PRRG4: variants seen among roughly 807,000 people sequenced by gnomAD.
PRRG4 encodes the protein proline rich and Gla domain 4.
A neutral mutation model predicts 20.0 loss-of-function variants in PRRG4; 12 were observed. The ratio of observed to expected loss-of-function variants is 0.60; its 90% confidence interval spans 0.38 to 0.97. The LOEUF is 0.97. Ranked by LOEUF, PRRG4 falls within the 50% of genes least tolerant of loss-of-function variation. PRRG4 has a pLI of 0.00. For missense variants in PRRG4, 199 were observed against 265.1 expected (o/e 0.75, Z 1.73); for synonymous variants, 94 against 96.4 (o/e 0.98, Z 0.15).
intron 2 of PRRG4, among the ~76,000 whole-genome samples, chr11:32,835,284 CA>C (rs767607849): frequency 6.6e-6 from 1 of 152,236 alleles, no homozygotes; most frequent in Non-Finnish European, 1.5e-5. Flanking sequence ...TGAGGTCACT[CA>C]AAAATCAGTA....
chr11:32,843,129 C>T (rs1851095022), intron 5 of PRRG4, among the ~76,000 whole-genome samples: 1 of 152,112 alleles, frequency 6.6e-6, no homozygotes, highest in Non-Finnish European at 1.5e-5. Context: ...AGGCATGAGC[C>T]ACCGTGCCCA....
chr11:32,832,479 C>CTTTT (rs555430349), intron 2 of PRRG4, among the ~76,000 whole-genome samples: 2 of 121,264 alleles, frequency 1.6e-5, no homozygotes, highest in Non-Finnish European at 1.6e-5. Flanking sequence ...TGGTGAAATT[C>CTTTT]TTTTTTTTTT....
rs1301640986 is a variant in PRRG4 at position 32,854,232 on chromosome 11, A to T, written c.*705A>T. ...TTATAGATTTCTTGTGTTGAATATTAAAAAAGCAAGGATGTCTAACCATTA... is the reference window on the plus strand; with the variant it reads ...TTATAGATTTCTTGTGTTGAATATTTAAAAAGCAAGGATGTCTAACCATTA... On this transcript the variant is annotated 3_prime_UTR_variant, in exon 6 of 6. Coordinates refer to ENST00000257836, the MANE Select transcript of PRRG4 (RefSeq NM_024081.6). 2.0e-5 allele frequency: 3 copies of T among 152,186 alleles called. No homozygotes were observed. The highest frequency in any genetic ancestry group is 4.8e-5 in the African/African-American group (2 of 41,446). 9.4% of individuals were successfully genotyped at this position (152,186 alleles called of 1,614,324 possible).
chr11:32,829,945 C>G lies in PRRG4; in HGVS notation c.-251C>G, dbSNP rs924685918. 3 of 985,654 alleles carry G rather than the reference C, an allele frequency of 3.0e-6. No homozygotes were observed. The highest frequency in any genetic ancestry group is 3.6e-6 in the Non-Finnish European group (3 of 830,102). The allele number at this position is 985,654 out of a possible 1,614,324, so 61.1% of individuals were successfully genotyped here. On this transcript the variant is annotated 5_prime_UTR_variant, in exon 1 of 6. Coordinates refer to ENST00000257836, the MANE Select transcript of PRRG4 (RefSeq NM_024081.6). ...TCCCGTCCTCCGTCGGCCGCCTCCC[C>G]GGACCGAGGCAGGACCTCACCCCGC...
chr11:32,842,875 G>A (rs1173636491), intron 5 of PRRG4, among the ~76,000 whole-genome samples: 1 of 151,952 alleles, frequency 6.6e-6, no homozygotes, highest in Non-Finnish European at 1.5e-5. Context: ...ATTTAGAGAT[G>A]GAGTCTTGCT....
intron 5 of PRRG4, among the ~76,000 whole-genome samples, chr11:32,847,354 C>A (rs958084582): frequency 1.3e-5 from 2 of 152,004 alleles, no homozygotes; most frequent in African/African-American, 4.8e-5. Context: ...GAATGGCCAA[C>A]AAGCACTTGA....
chr11:32,835,162 A>T (rs1363285627), intron 2 of PRRG4, among the ~76,000 whole-genome samples: 1 of 152,198 alleles, frequency 6.6e-6, no homozygotes, highest in African/African-American at 2.4e-5. Flanking sequence ...ACCATATTAG[A>T]CAAAATAGTT....
At chr11:32,845,115 TA>T (rs939573052) in intron 5 of PRRG4, among the ~76,000 whole-genome samples, 9 of 151,806 alleles carry the variant, frequency 5.9e-5, no homozygotes, top group Non-Finnish European at 7.4e-5. Context: ...AAAATAAAAA[TA>T]AAAAAAATCT....
chr11:32,830,697 T>C, intron 2 of PRRG4, 65 bp downstream of exon 2: 2 of 1,605,316 alleles, frequency 1.2e-6, no homozygotes, highest in Admixed American at 1.7e-5. Context: ...GAAAGTGCAG[T>C]ATTTGAAATT....
At chr11:32,837,535 G>GATTATT (rs1491396211) in intron 3 of PRRG4, among the ~76,000 whole-genome samples, 109 of 103,416 alleles carry the variant, frequency 1.1e-3, no homozygotes, top group Admixed American at 4.5e-3. Flanking sequence ...TGATGATGAT[G>GATTATT]ATGATGATTA....
intron 5 of PRRG4, among the ~76,000 whole-genome samples, chr11:32,852,772 C>CT (rs531547410): frequency 0.07 from 8,818 of 126,656 alleles, 492 homozygotes; most frequent in African/African-American, 0.15. Context: ...TCAGATTTCT[C>CT]TTTTTTTTTT....
chr11:32,852,810 TCC>T (rs2133452514), intron 5 of PRRG4, among the ~76,000 whole-genome samples: 1 of 150,014 alleles, frequency 6.7e-6, no homozygotes, highest in East Asian at 2.0e-4. Context: ...TCTCTCTCTG[TCC>T]CCCGAGGCTG....
chr11:32,853,413 T>C lies in PRRG4; in HGVS notation c.567T>C (p.Tyr189=), dbSNP rs774112645. Residue 189 remains tyrosine (Y), a synonymous_variant, in exon 6 of 6, where the codon TAT becomes TAC. Transcript: ENST00000257836. The stretch of plus-strand genomic sequence containing the variant: ...TGGAGGATGCAGGATTACCTTCTTA[T>C]GAACAGGCAGTGGCGCTGACCAGAA... ...PSVEDAGLPS[Y]EQAVALTRKH... is the part of the protein sequence containing the mutation. 7 of 1,614,134 alleles carry C rather than the reference T, an allele frequency of 4.3e-6. No homozygotes were observed. The highest frequency in any genetic ancestry group is 3.3e-5 in the South Asian group (3 of 91,070).
chr11:32,834,207 C>G (rs1046341601), intron 2 of PRRG4, among the ~76,000 whole-genome samples: 9 of 152,250 alleles, frequency 5.9e-5, no homozygotes, highest in African/African-American at 2.2e-4. Flanking sequence ...TAGGAACAGT[C>G]TATCTTGTCT....
intron 2 of PRRG4, among the ~76,000 whole-genome samples, chr11:32,831,196 A>C (rs184638999): frequency 1.1e-4 from 17 of 152,180 alleles, no homozygotes; most frequent in African/African-American, 3.6e-4. Context: ...GGAAGTCCAC[A>C]GTTTTTAGGT....
rs1347590789 is a variant in PRRG4, at chr11:32,840,114, C to T, written c.324C>T (p.Asn108=). ...TTAATGATTTATTTTAAGATGGCAA[C>T]AGAGAGAAAATAGATGTTATGGGCC... ...AKGPTTKSDG[N]REKIDVMGLL... Residue 108 remains asparagine, a synonymous_variant, in exon 5 of 6, where the codon AAC becomes AAT. Coordinates refer to ENST00000257836, the MANE Select transcript of PRRG4 (RefSeq NM_024081.6). This position sits in a 1 kb window ranked among gnomAD's most constrained non-coding sequence, Gnocchi z 4.1. The T allele has an allele frequency of 6.3e-7, 1 of 1,599,974 alleles. No individual in the cohort carries two copies. Among genetic ancestry groups the T allele is most frequent in the Non-Finnish European group, 8.6e-7 (1 of 1,168,286 alleles).
In PRRG4 at chr11:32,837,529, G is replaced by T. The variant is rs917174766; in HGVS notation, c.267+708G>T. The stretch of plus-strand genomic sequence containing the variant: ...CTGAGATGATGATGATGATGATGAT[G>T]ATGATGATGATGATTATTATTATTA... On this transcript the variant is annotated intron_variant, in intron 3 of 5. Coordinates refer to ENST00000257836, the MANE Select transcript of PRRG4 (RefSeq NM_024081.6). Among the ~76,000 whole-genome samples the T allele has an allele frequency of 7.2e-4, 81 of 113,072 alleles. 2 individuals are homozygous for T. The highest frequency in any genetic ancestry group is 2.9e-3 in the African/African-American group (78 of 27,344). 74.2% of individuals were successfully genotyped at this position (113,072 alleles called of 152,430 possible). A position where few individuals can be genotyped will look rare whatever the true frequency, so the allele number is the denominator to read the frequency against.
At chr11:32,832,511 C>T (rs1251289043) in intron 2 of PRRG4, among the ~76,000 whole-genome samples, 1 of 131,810 alleles carries the variant, frequency 7.6e-6, no homozygotes, top group East Asian at 2.2e-4. Flanking sequence ...GACAGAGTCT[C>T]GCTCTGTCTC....
intron 4 of PRRG4, among the ~76,000 whole-genome samples, chr11:32,839,286 TATGCTAGATA>T (rs1473831676): frequency 9.2e-5 from 14 of 152,360 alleles, no homozygotes; most frequent in Admixed American, 2.0e-4. Context: ...ATGGAACATT[TATGCTAGATA>T]AATTAAGATT....
Sources: gnomAD v4.1 joint callset for allele counts (sites outside exome capture counted in the v4.1 genomes callset) on GRCh38, gnomAD v4.1.1 for gene constraint, Gnocchi (gnomAD v3.1) non-coding constraint, MANE v1.5 for transcripts, NCBI Gene and HGNC (gene_info 2026-07-23, HGNC 2026-07-21) for gene names.